The following PTPN12 variants were observed in gnomAD, a reference collection of about 807,000 sequenced individuals.
The protein encoded by PTPN12 is tyrosine-protein phosphatase non-receptor type 12.
PTPN12 carries 29 observed loss-of-function variants against 97.6 expected under a neutral mutation model. That is an observed-to-expected ratio of 0.30 (90% confidence interval 0.22 to 0.41). PTPN12 has a LOEUF of 0.41. Ranked by LOEUF, PTPN12 falls within the 10% of genes least tolerant of loss-of-function variation. The pLI is 1.00. For missense variants in PTPN12, 819 were observed against 926.0 expected, an observed-to-expected ratio of 0.88 and a Z score of 1.50; for synonymous variants, 327 against 300.4, an observed-to-expected ratio of 1.09 and a Z score of -0.91.
rs758991895 is a variant in PTPN12 at position 77,537,508 on chromosome 7, CG to C, written c.-32del. The C allele has an allele frequency of 4.4e-5, 24 of 545,750 alleles. No homozygotes were observed. Among genetic ancestry groups the C allele is most frequent in the East Asian group, 3.2e-4 (3 of 9,394 alleles). 33.8% of individuals were successfully genotyped at this position (545,750 alleles called of 1,614,324 possible). On this transcript the variant is annotated 5_prime_UTR_variant, in exon 1 of 18. Transcript: ENST00000248594. Reference sequence around the variant, plus strand: ...GGCTCTGTGCCGGGCGGGCGGGCGGCGGGGGGGCCAGCGACCGCAGCCGGGG... The same window carrying C: ...GGCTCTGTGCCGGGCGGGCGGGCGGCGGGGGGCCAGCGACCGCAGCCGGGG...
chr7:77,615,558 G>A (rs1303891116), intron 11 of PTPN12, among the ~76,000 whole-genome samples: 1 of 152,136 alleles, frequency 6.6e-6, no homozygotes, highest in Admixed American at 6.5e-5. Flanking sequence ...ACCTGCCAGG[G>A]CGACAAAGCG....
chr7:77,605,576 C>T (rs868842394), intron 8 of PTPN12, among the ~76,000 whole-genome samples: 3 of 110,452 alleles, frequency 2.7e-5, no homozygotes, highest in African/African-American at 4.2e-5. Flanking sequence ...CCCACTACCA[C>T]GCCCGGCTAA....
chr7:77,613,427 A>C (rs1042482145), intron 11 of PTPN12, among the ~76,000 whole-genome samples: 2 of 151,986 alleles, frequency 1.3e-5, no homozygotes, highest in Non-Finnish European at 2.9e-5. Flanking sequence ...CACCCACCTC[A>C]GCCTCCCAAA....
At chr7:77,629,531 T>G (rs1789323304) in intron 13 of PTPN12, among the ~76,000 whole-genome samples, 1 of 152,092 alleles carries the variant, frequency 6.6e-6, no homozygotes, top group African/African-American at 2.4e-5. Context: ...TTATTGTTTT[T>G]TTGTTGTTGT....
chr7:77,560,867 C>CAAAT (rs1220329255), intron 1 of PTPN12, among the ~76,000 whole-genome samples: 1 of 151,630 alleles, frequency 6.6e-6, no homozygotes, highest in Non-Finnish European at 1.5e-5. Flanking sequence ...CATGGTTGTA[C>CAAAT]AAATATCTGT....
At chr7:77,564,512 T>C (rs1193315792) in intron 1 of PTPN12, among the ~76,000 whole-genome samples, 1 of 152,092 alleles carries the variant, frequency 6.6e-6, no homozygotes, top group Non-Finnish European at 1.5e-5. Flanking sequence ...AGATGAATTC[T>C]CCAGTAATTG....
intron 12 of PTPN12, among the ~76,000 whole-genome samples, chr7:77,622,694 C>T (rs1012205450): frequency 1.6e-4 from 25 of 151,854 alleles, no homozygotes; most frequent in Non-Finnish European, 2.1e-4. Context: ...TCGCTTGAAC[C>T]CGGGAGGCGG....
At chr7:77,597,271 G>A (rs1246093503) in intron 6 of PTPN12, among the ~76,000 whole-genome samples, 5 of 152,092 alleles carry the variant, frequency 3.3e-5, no homozygotes, top group Admixed American at 2.6e-4. Flanking sequence ...TTACAGGTGC[G>A]CGCCACCACA....
rs1807692402 is a variant in PTPN12 at position 77,555,957 on chromosome 7, G to A, written c.100-15121G>A. Among the ~76,000 whole-genome samples, 3 of 151,968 alleles carry A rather than the reference G, an allele frequency of 2.0e-5. No individual in the cohort carries two copies. The South Asian group carries it at 6.2e-4, about 32-fold the overall frequency. On this transcript the variant is annotated intron_variant, in intron 1 of 17. Transcript: ENST00000248594. The stretch of plus-strand genomic sequence containing the variant: ...AGTGTTTCTTTTTGGTTATTTCTTT[G>A]AATTTCTGTCTCTTTGCTTATATTG...
At chr7:77,635,022 T>A (rs1036059664) in intron 14 of PTPN12, among the ~76,000 whole-genome samples, 2 of 152,130 alleles carry the variant, frequency 1.3e-5, no homozygotes, top group African/African-American at 4.8e-5. Context: ...AACTAATTTT[T>A]TTATTAGAGA....
At chr7:77,562,970 A>AG (rs1808068216) in intron 1 of PTPN12, among the ~76,000 whole-genome samples, 1 of 151,794 alleles carries the variant, frequency 6.6e-6, no homozygotes. Flanking sequence ...AAAAAAAAAA[A>AG]AGAACAGCCT....
chr7:77,539,996 C>G (rs1030531271), intron 1 of PTPN12, among the ~76,000 whole-genome samples: 1 of 151,842 alleles, frequency 6.6e-6, no homozygotes, highest in African/African-American at 2.4e-5. Flanking sequence ...AGTTTTTTAC[C>G]GTCTTACTTT....
At chr7:77,616,046 C>T (rs760523492) in intron 11 of PTPN12, among the ~76,000 whole-genome samples, 3 of 152,200 alleles carry the variant, frequency 2.0e-5, no homozygotes, top group Non-Finnish European at 4.4e-5. Flanking sequence ...TTAATGGCTT[C>T]ATCCTGCTCT....
chr7:77,571,979 C>T (rs1032423488), intron 2 of PTPN12, among the ~76,000 whole-genome samples: 4 of 152,150 alleles, frequency 2.6e-5, no homozygotes, highest in Admixed American at 6.5e-5. Flanking sequence ...TTAAAGCTGC[C>T]GTCGTTTTTC....
intron 12 of PTPN12, among the ~76,000 whole-genome samples, chr7:77,622,288 C>G (rs924486213): frequency 6.6e-6 from 1 of 151,864 alleles, no homozygotes; most frequent in African/African-American, 2.4e-5. Context: ...TAAAAGTGAA[C>G]AGAACTAGGA....
intron 1 of PTPN12, chr7:77,564,182 A>G (rs1456581047): frequency 1.8e-5 from 3 of 163,222 alleles, no homozygotes; most frequent in African/African-American, 7.2e-5. Flanking sequence ...CCCAGCCCAT[A>G]TACATATTTT....
intron 1 of PTPN12, among the ~76,000 whole-genome samples, chr7:77,563,025 T>C (rs1197475198): frequency 6.6e-6 from 1 of 151,982 alleles, no homozygotes; most frequent in Admixed American, 6.6e-5. Context: ...ATTTGCCATA[T>C]TTATTATTTT....
chr7:77,600,909 G>A, intron 8 of PTPN12, 103 bp downstream of exon 8: 1 of 1,042,348 alleles, frequency 9.6e-7, no homozygotes, highest in Non-Finnish European at 1.4e-6. Flanking sequence ...ATTTCTCCTA[G>A]CCTTGATACA....
intron 1 of PTPN12, among the ~76,000 whole-genome samples, chr7:77,540,237 TTCTTTC>T (rs1806893088): frequency 2.1e-5 from 3 of 141,730 alleles, no homozygotes; most frequent in African/African-American, 8.5e-5. Flanking sequence ...CTTTCTTTCT[TTCTTTC>T]TTTTTTTTTT....
Sources: allele counts gnomAD v4.1 joint callset (sites outside exome capture counted in the v4.1 genomes callset), GRCh38; gene constraint gnomAD v4.1.1; transcripts MANE v1.5; gene names NCBI Gene and HGNC (gene_info 2026-07-23, HGNC 2026-07-21).